The following DNAH6 variants were observed in gnomAD, a reference collection of about 807,000 sequenced individuals.
The protein encoded by DNAH6 is dynein axonemal heavy chain 6.
In DNAH6, 340 loss-of-function variants were observed where a neutral mutation model predicts 491.4. That is an observed-to-expected ratio of 0.69 (90% CI 0.63 to 0.76). The LOEUF is 0.76. Among genes scored for constraint, DNAH6 ranks in the 30% least tolerant of loss-of-function variants. The pLI is 0.00. For missense variants in DNAH6, 4,443 were observed against 4,972.2 expected (o/e 0.89, Z 3.20); for synonymous variants, 1,603 against 1,686.1 (o/e 0.95, Z 1.21).
chr2:84,773,065 T>C (rs1343287076), intron 64 of DNAH6, among the ~76,000 whole-genome samples: 2 of 151,936 alleles, frequency 1.3e-5, no homozygotes, highest in African/African-American at 2.4e-5. Flanking sequence ...AATTAGAAAA[T>C]ACTTTATTCA....
At chr2:84,660,215 G>T (rs1237175917) in intron 37 of DNAH6, among the ~76,000 whole-genome samples, 1 of 152,040 alleles carries the variant, frequency 6.6e-6, no homozygotes, top group Admixed American at 6.6e-5. Flanking sequence ...ACTATTTTAT[G>T]TTGCATAGTA....
upstream of DNAH6, among the ~76,000 whole-genome samples, chr2:84,513,927 G>T (rs1195622112): frequency 9.9e-5 from 15 of 152,032 alleles, no homozygotes; most frequent in African/African-American, 3.4e-4. Flanking sequence ...GTAGGTTTTT[G>T]TCACTGCCAG....
intron 64 of DNAH6, among the ~76,000 whole-genome samples, chr2:84,770,577 A>G (rs904885029): frequency 1.3e-5 from 2 of 152,214 alleles, no homozygotes; most frequent in Non-Finnish European, 2.9e-5. Context: ...ATTAAAATGA[A>G]AAATATACAA....
the DNAH6 span, among the ~76,000 whole-genome samples, chr2:84,507,141 A>G: frequency 2.0e-5 from 3 of 152,176 alleles, no homozygotes; most frequent in South Asian, 2.1e-4. Context: ...CATTGAATCT[A>G]TAAATTACCT....
At chr2:84,802,691 T>C (rs760860090) in intron 70 of DNAH6, among the ~76,000 whole-genome samples, 1 of 152,136 alleles carries the variant, frequency 6.6e-6, no homozygotes, top group African/African-American at 2.4e-5. Flanking sequence ...AGACCTAAAT[T>C]CAATACTTGA....
rs181867259 is a variant in DNAH6 at position 84,766,089 on chromosome 2, C to G, written c.10703+3144C>G. Among the ~76,000 whole-genome samples, 12 of 151,882 alleles carry G rather than the reference C, an allele frequency of 7.9e-5. No individual in the cohort carries two copies. The East Asian group carries it at 2.3e-3, about 29-fold the overall frequency. On this transcript the variant is annotated intron_variant, in intron 64 of 76. Coordinates refer to ENST00000389394, the MANE Select transcript of DNAH6 (RefSeq NM_001370.2). ...TAAAGCAAAAATGGAGAAATTTATA[C>G]AAGAAAAAATTGATAAATCAACATT...
rs2104539928 is a variant in DNAH6, at chr2:84,547,611, G to T, written c.1185G>T (p.Glu395Asp). 6.4e-7 allele frequency: 1 copy of T among 1,551,724 alleles called. No homozygotes were observed. Among genetic ancestry groups the T allele is most frequent in the Non-Finnish European group, 8.7e-7 (1 of 1,146,876 alleles). ...ATGACTGTGCATTTGGACCTTTTGA[G>T]GGTATGAAGGGGAAAGAACCTCAAT... is the stretch of plus-strand genomic sequence containing the variant. ...VPDDCAFGPF[E>D]DYHKVQSSGS... Residue 395 changes from glutamate to aspartate, a missense_variant and splice_region_variant, in exon 7 of 77, where the codon GAG becomes GAT. Physicochemically the swap from Glu to Asp is conservative, Grantham distance 45. Around this residue, in one of 3 missense-constraint regions of DNAH6, gnomAD observed 2,977 missense variants for 3,296.6 expected, o/e 0.90. Transcript: ENST00000389394.
chr2:84,501,927 A>G, the DNAH6 span, among the ~76,000 whole-genome samples: 1 of 150,676 alleles, frequency 6.6e-6, no homozygotes, highest in African/African-American at 2.4e-5. Flanking sequence ...TTTTTTCTTC[A>G]TTACTCTGGC....
chr2:84,509,139 C>T, the DNAH6 span, among the ~76,000 whole-genome samples: 2 of 152,084 alleles, frequency 1.3e-5, no homozygotes, highest in Non-Finnish European at 2.9e-5. Flanking sequence ...CTTTCTGTCT[C>T]GTTCATCTGT....
chr2:84,553,285 A>T (rs1679588245), intron 10 of DNAH6, among the ~76,000 whole-genome samples: 1 of 152,076 alleles, frequency 6.6e-6, no homozygotes, highest in African/African-American at 2.4e-5. Flanking sequence ...ACAAAATTTA[A>T]AAGTGTCTAT....
At position 84,797,620 on chromosome 2, in the gene DNAH6, AT is replaced by A; in HGVS notation, c.11448del (p.Phe3816LeufsTer9). On this transcript the variant is annotated frameshift_variant, in exon 70 of 77. Transcript: ENST00000389394. LOFTEE classifies it high-confidence loss of function. The part of the protein sequence containing the change: ...ENLPLIDDPE[I>X]FGMHENANLV... ...TCTGCCTTTGATCGATGACCCAGAA[AT>A]TTTTGGAATGCATGAAAATGCTAAT... 1 of 1,551,470 alleles carries A rather than the reference AT, an allele frequency of 6.4e-7. No individual in the cohort carries two copies. The highest frequency in any genetic ancestry group is 8.7e-7 in the Non-Finnish European group (1 of 1,146,776).
rs148401389 is a variant in DNAH6, at chr2:84,603,299, A to G, written c.2869-1040A>G. On this transcript the variant is annotated intron_variant, in intron 18 of 76. Transcript: ENST00000389394. ...ATTAAATCTAATTAGGAATTGGGCT[A>G]GGTTTAAGGGTTGATGTTGCTATGG... Among the ~76,000 whole-genome samples, 106 of 152,160 alleles carry G rather than the reference A, an allele frequency of 7.0e-4. 1 individual carries two copies. Among genetic ancestry groups the G allele is most frequent in the African/African-American group, 2.4e-3 (100 of 41,512 alleles).
At chr2:84,623,513 A>G (rs1318989939) in intron 26 of DNAH6, among the ~76,000 whole-genome samples, 1 of 152,186 alleles carries the variant, frequency 6.6e-6, no homozygotes, top group East Asian at 1.9e-4. Flanking sequence ...TAAATTTTCA[A>G]TATTTATTTA....
chr2:84,519,624 C>T (rs1465156187), intron 2 of DNAH6, among the ~76,000 whole-genome samples: 1 of 147,100 alleles, frequency 6.8e-6, no homozygotes, highest in East Asian at 2.2e-4. Flanking sequence ...TTCTCCTCTT[C>T]CCCCCTTCTT....
At chr2:84,684,353 A>C (rs1694081061) in intron 42 of DNAH6, among the ~76,000 whole-genome samples, 1 of 152,220 alleles carries the variant, frequency 6.6e-6, no homozygotes, top group Non-Finnish European at 1.5e-5. Flanking sequence ...TTTGAGCTTC[A>C]AAATTCAGGA....
chr2:84,623,048 G>A (rs950177507), intron 26 of DNAH6, among the ~76,000 whole-genome samples: 4 of 152,024 alleles, frequency 2.6e-5, no homozygotes, highest in African/African-American at 9.7e-5. Context: ...CTCATAAGTT[G>A]TAGGAGCAAT....
chr2:84,622,632 G>A (rs1298182898), intron 26 of DNAH6, among the ~76,000 whole-genome samples: 1 of 152,144 alleles, frequency 6.6e-6, no homozygotes, highest in Non-Finnish European at 1.5e-5. Flanking sequence ...ATGCTGCAAT[G>A]AACATAGGAG....
At chr2:84,801,574 T>A (rs1331852620) in intron 70 of DNAH6, among the ~76,000 whole-genome samples, 1 of 152,144 alleles carries the variant, frequency 6.6e-6, no homozygotes, top group East Asian at 1.9e-4. Flanking sequence ...GGCCCATTTT[T>A]AGCATTCTTA....
At chr2:84,473,198 G>C in the DNAH6 span, among the ~76,000 whole-genome samples, 2 of 152,140 alleles carry the variant, frequency 1.3e-5, no homozygotes, top group Non-Finnish European at 2.9e-5. Context: ...CAAGAATGCT[G>C]ACAAAAACTG....
Sources: allele counts gnomAD v4.1 joint callset (sites outside exome capture counted in the v4.1 genomes callset), GRCh38; gene constraint gnomAD v4.1.1; regional missense constraint gnomAD v4.1.1; transcripts MANE v1.5; gene names NCBI Gene and HGNC (gene_info 2026-07-23, HGNC 2026-07-21).